PCSK4: variants seen among roughly 807,000 people sequenced by gnomAD.
PCSK4 encodes the protein testicular tissue protein Li 135.
PCSK4 carries 64 observed loss-of-function variants against 80.3 expected under a neutral mutation model. That is an observed-to-expected ratio of 0.80 (90% CI 0.65 to 0.98). The LOEUF is 0.98. PCSK4 is among the 50% of genes least tolerant of loss of function. The probability of loss-of-function intolerance (pLI) is 0.00; values close to 1 mark genes in which losing one functional copy is unlikely to be tolerated. For missense variants in PCSK4, 1,213 were observed against 1,093.6 expected (o/e 1.11, Z -1.54); for synonymous variants, 561 against 487.6 (o/e 1.15, Z -1.98).
At chr19:1,487,753 CT>C in intron 5 of PCSK4, 31 bp downstream of exon 5, 1 of 1,549,704 alleles carries the variant, frequency 6.5e-7, no homozygotes. Flanking sequence ...GGTACTGGGG[CT>C]TCCCCCGTGT....
chr19:1,488,245 C>T lies in PCSK4; in HGVS notation c.330G>A (p.Arg110=), dbSNP rs563443061. Residue 110 remains arginine, a synonymous_variant, in exon 3 of 15, where the codon CGG becomes CGA. Coordinates refer to ENST00000300954, the Ensembl canonical transcript of PCSK4. The stretch of plus-strand genomic sequence containing the variant: ...TGGGCACCACGACAGAGCGTTTCAC[C>T]CGCCGCTGCAGCGTCTGCTGCTGGA... 8.4e-4 allele frequency: 1,362 copies of T among 1,613,520 alleles called. 30 individuals carry two copies. The South Asian group carries it at 0.014, about 17-fold the overall frequency.
At chr19:1,489,202 G>C (rs1399525285) in intron 2 of PCSK4, among the ~76,000 whole-genome samples, 1 of 150,704 alleles carries the variant, frequency 6.6e-6, no homozygotes, top group Non-Finnish European at 1.5e-5. Context: ...CGCGATCTCG[G>C]CTCACTGCAA....
At chr19:1,487,512 TG>T in intron 6 of PCSK4, 90 bp downstream of exon 6, 1 of 1,181,986 alleles carries the variant, frequency 8.5e-7, no homozygotes, top group Non-Finnish European at 1.2e-6. Context: ...AGTGAGAGGG[TG>T]GGCTCCCGAG....
chr19:1,485,815 G>A (rs554752347), intron 8 of PCSK4, among the ~76,000 whole-genome samples: 3 of 152,072 alleles, frequency 2.0e-5, no homozygotes, highest in Admixed American at 2.0e-4. Flanking sequence ...AGCTTGCAGT[G>A]AGCTGAGATC....
At chr19:1,483,128 TC>T (rs2084393795) in intron 12 of PCSK4, 108 bp from the exon 13 acceptor site, 1 of 1,271,654 alleles carries the variant, frequency 7.9e-7, no homozygotes, top group African/African-American at 1.5e-5. Context: ...CCGCGTGTCC[TC>T]TGGGTGTGGG....
At chr19:1,482,200 G>T in exon 15 of PCSK4, 1 of 1,536,832 alleles carries the variant, frequency 6.5e-7, no homozygotes, top group South Asian at 1.2e-5. Context: ...AGGCGGGGCC[G>T]TCACACGCTG....
intron 4 of PCSK4, 28 bp from the exon 5 acceptor site, chr19:1,487,889 C>A (rs892632877): frequency 6.4e-7 from 1 of 1,560,142 alleles, no homozygotes. Context: ...TATGAGGGGG[C>A]CGGGAGGCGT....
intron 12 of PCSK4, 63 bp downstream of exon 12, chr19:1,483,221 G>T: frequency 7.0e-7 from 1 of 1,437,688 alleles, no homozygotes; most frequent in Non-Finnish European, 9.3e-7. Context: ...GGACACTCCG[G>T]GTAGATGGCA....
At position 1,482,250 on chromosome 19, in the gene PCSK4, C is replaced by A. The variant is rs371520037; in HGVS notation, c.1820-43G>T. 5 of 1,524,204 alleles carry A rather than the reference C, an allele frequency of 3.3e-6. No homozygotes were observed. The African/African-American group carries it at 5.5e-5, about 17-fold the overall frequency. 94.4% of individuals were successfully genotyped at this position (1,524,204 alleles called of 1,614,324 possible). A position where few individuals can be genotyped will look rare whatever the true frequency, so the allele number is the denominator to read the frequency against. On this transcript the variant is annotated intron_variant, in intron 14 of 14. Transcript: ENST00000300954. ...CGCAAAGGCCCGTCAGCTTGCCACC[C>A]GCAGCCTGTTACTCGCCACCCGCCC... is the stretch of plus-strand genomic sequence containing the variant.
chr19:1,483,899 G>A (rs756554067), exon 10 of PCSK4: 77 of 1,490,114 alleles, frequency 5.2e-5, no homozygotes, highest in Non-Finnish European at 7.1e-6. Context: ...GCTTGGACGC[G>A]CGGACCACCA....
chr19:1,482,630 C>T (rs1599197078), intron 13 of PCSK4, 155 bp from the exon 14 acceptor site: 2 of 972,534 alleles, frequency 2.1e-6, no homozygotes, highest in East Asian at 2.6e-5. Context: ...GCGCCTGTCA[C>T]TGGACACCGA....
At chr19:1,489,350 C>G (rs1455495601) in intron 2 of PCSK4, among the ~76,000 whole-genome samples, 2 of 152,208 alleles carry the variant, frequency 1.3e-5, no homozygotes, top group East Asian at 1.9e-4. Context: ...GCTAGGATCT[C>G]GTCTCGATTT....
At chr19:1,483,605 C>T in intron 11 of PCSK4, 45 bp downstream of exon 11, 1 of 1,499,360 alleles carries the variant, frequency 6.7e-7, no homozygotes, top group Non-Finnish European at 9.0e-7. Flanking sequence ...GGCCTGTCCC[C>T]CACACCCCCA....
chr19:1,490,013 C>T, intron 1 of PCSK4, 116 bp from the exon 2 acceptor site: 2 of 1,523,768 alleles, frequency 1.3e-6, no homozygotes, highest in Non-Finnish European at 1.8e-6. Context: ...TCTGGGAGTC[C>T]CAGAAGCTGA....
chr19:1,488,094 T>C lies in PCSK4; in HGVS notation c.388-2A>G. Reference sequence around the variant, plus strand: ...CAGGTCTGGTTGGGCCTCGCTGTTCTGCAGGGGGAGGCGGGGTTGTGACCC... The same window carrying C: ...CAGGTCTGGTTGGGCCTCGCTGTTCCGCAGGGGGAGGCGGGGTTGTGACCC... On this transcript the variant is annotated splice_acceptor_variant, in intron 3 of 14. Transcript: ENST00000300954. LOFTEE classifies it high-confidence loss of function. 1 of 1,613,012 alleles carries C rather than the reference T, an allele frequency of 6.2e-7. No individual in the cohort carries two copies. The highest frequency in any genetic ancestry group is 8.5e-7 in the Non-Finnish European group (1 of 1,179,758).
At chr19:1,482,200 G>A (rs374417775) in exon 15 of PCSK4, 15 of 1,536,714 alleles carry the variant, frequency 9.8e-6, no homozygotes, top group Admixed American at 7.6e-5. Flanking sequence ...AGGCGGGGCC[G>A]TCACACGCTG....
intron 11 of PCSK4, 73 bp from the exon 12 acceptor site, chr19:1,483,536 G>C: frequency 7.1e-7 from 1 of 1,415,982 alleles, no homozygotes; most frequent in Non-Finnish European, 9.7e-7. Context: ...AGGCGAGGTC[G>C]GGGCTCAGAG....
At chr19:1,487,810 G>T in exon 5 of PCSK4, 2 of 1,578,440 alleles carry the variant, frequency 1.3e-6, no homozygotes. Context: ...GGGGTGTAGC[G>T]GGGCTGGGGG....
chr19:1,489,587 G>T, intron 2 of PCSK4: 1 of 875,104 alleles, frequency 1.1e-6, no homozygotes, highest in Non-Finnish European at 1.7e-6. Flanking sequence ...GGTGCCCACT[G>T]TGTACCAGGC....
Sources: allele counts gnomAD v4.1 joint callset (sites outside exome capture counted in the v4.1 genomes callset), GRCh38; gene constraint gnomAD v4.1.1; transcripts MANE v1.5; gene names NCBI Gene and HGNC (gene_info 2026-07-23, HGNC 2026-07-21).